The following CAB39L variants were observed in gnomAD, a reference collection of about 807,000 sequenced individuals.
The protein encoded by CAB39L is calcium binding protein 39 like.
Under a neutral mutation model 39.1 loss-of-function variants are expected in CAB39L, and 23 were observed. The ratio of observed to expected loss-of-function variants is 0.59; its 90% CI spans 0.42 to 0.83. The LOEUF is 0.83. Among genes scored for constraint, CAB39L ranks in the 40% least tolerant of loss-of-function variants. CAB39L has a pLI of 0.00. For synonymous variants in CAB39L, 126 were observed against 137.2 expected (o/e 0.92, Z 0.57); for missense variants, 366 against 391.9 (o/e 0.93, Z 0.56).
chr13:49,367,356 T>C (rs1398178677), intron 5 of CAB39L, among the ~76,000 whole-genome samples: 3 of 152,036 alleles, frequency 2.0e-5, no homozygotes, highest in Non-Finnish European at 2.9e-5. Context: ...AAATAAAAAA[T>C]AGCAACAACA....
rs1957262190 is a variant in CAB39L, at chr13:49,427,526, A to G, written c.-32+5792T>C. On this transcript the variant is annotated intron_variant, in intron 3 of 10. Coordinates refer to ENST00000409308, the MANE Select transcript of CAB39L (RefSeq NM_001079670.3). ...CAACACAGTAAGACCATATCTCTACAAGAAATAAAAGAATTAGCTGGGCGT... is the reference window on the plus strand; with the variant it reads ...CAACACAGTAAGACCATATCTCTACGAGAAATAAAAGAATTAGCTGGGCGT... Among the ~76,000 whole-genome samples, 9 of 152,090 alleles carry G rather than the reference A, an allele frequency of 5.9e-5. 1 individual carries two copies.
intron 10 of CAB39L, among the ~76,000 whole-genome samples, chr13:49,311,391 C>T (rs1409842005): frequency 2.6e-5 from 4 of 152,152 alleles, no homozygotes; most frequent in East Asian, 1.9e-4. Context: ...TGATAATCAA[C>T]GACGATGGTA....
chr13:49,351,692 C>G (rs1955361971), intron 6 of CAB39L, among the ~76,000 whole-genome samples: 1 of 152,150 alleles, frequency 6.6e-6, no homozygotes, highest in African/African-American at 2.4e-5. Context: ...AGGAGCAGAA[C>G]CCAGGAGAGG....
At chr13:49,319,825 TTTC>T (rs1276191564) in intron 10 of CAB39L, among the ~76,000 whole-genome samples, 2 of 149,910 alleles carry the variant, frequency 1.3e-5, no homozygotes, top group Admixed American at 6.6e-5. Flanking sequence ...ACAGTCTTTC[TTTC>T]TTAAAAAAAA....
At chr13:49,340,290 T>C (rs1341738560) in intron 8 of CAB39L, among the ~76,000 whole-genome samples, 1 of 152,244 alleles carries the variant, frequency 6.6e-6, no homozygotes, top group Non-Finnish European at 1.5e-5. Flanking sequence ...TCACCAACCA[T>C]GGCCTAGCCC....
intron 2 of CAB39L, among the ~76,000 whole-genome samples, chr13:49,433,597 G>A (rs375761155): frequency 4.3e-4 from 66 of 152,212 alleles, no homozygotes; most frequent in African/African-American, 1.5e-3. Context: ...TGAACTGAAT[G>A]AAAAATATAT....
chr13:49,366,326 C>T (rs547016760), intron 5 of CAB39L, among the ~76,000 whole-genome samples: 77 of 151,686 alleles, frequency 5.1e-4, no homozygotes, highest in Admixed American at 2.6e-3. Flanking sequence ...ACTAAAATAT[C>T]TCATATACAC....
chr13:49,404,728 G>C (rs1034977713), intron 3 of CAB39L, among the ~76,000 whole-genome samples: 1 of 152,096 alleles, frequency 6.6e-6, no homozygotes, highest in Non-Finnish European at 1.5e-5. Context: ...ATATAACAAA[G>C]AGACTGAAAT....
chr13:49,354,520 C>T (rs1955437236), intron 6 of CAB39L, among the ~76,000 whole-genome samples: 1 of 152,178 alleles, frequency 6.6e-6, no homozygotes, highest in Non-Finnish European at 1.5e-5. Flanking sequence ...ATATGTATCC[C>T]ACCTAATCTA....
intron 3 of CAB39L, among the ~76,000 whole-genome samples, chr13:49,408,777 G>A (rs988639658): frequency 2.0e-5 from 3 of 152,020 alleles, no homozygotes; most frequent in Admixed American, 1.3e-4. Context: ...GTTGCAGTGA[G>A]CTGAGATTGC....
intron 3 of CAB39L, among the ~76,000 whole-genome samples, chr13:49,416,481 T>A (rs1455941648): frequency 6.6e-6 from 1 of 152,216 alleles, no homozygotes; most frequent in Non-Finnish European, 1.5e-5. Context: ...CTCAGCAAAC[T>A]GATTTTATGA....
intron 1 of CAB39L, among the ~76,000 whole-genome samples, chr13:49,441,871 C>G (rs1039696052): frequency 6.6e-6 from 1 of 152,148 alleles, no homozygotes; most frequent in African/African-American, 2.4e-5. Context: ...ACTCTCTTAT[C>G]TTGGTGGTAA....
At chr13:49,434,038 T>G (rs1470079324) in intron 2 of CAB39L, 48 bp downstream of exon 2, 1 of 389,342 alleles carries the variant, frequency 2.6e-6, no homozygotes, top group Non-Finnish European at 5.0e-6. Flanking sequence ...ATCACAAGAG[T>G]GTGTATGCGT....
intron 3 of CAB39L, among the ~76,000 whole-genome samples, chr13:49,411,617 G>A (rs1188729421): frequency 6.6e-6 from 1 of 151,936 alleles, no homozygotes; most frequent in East Asian, 1.9e-4. Context: ...TTTCTTTATA[G>A]TAGATCTTGG....
intron 9 of CAB39L, among the ~76,000 whole-genome samples, chr13:49,339,374 G>A (rs186114122): frequency 1.3e-5 from 2 of 152,088 alleles, no homozygotes; most frequent in South Asian, 2.1e-4. Context: ...CAGGTGATCC[G>A]CCCACTTCGG....
At chr13:49,441,561 C>A (rs551748994) in intron 1 of CAB39L, among the ~76,000 whole-genome samples, 5 of 152,100 alleles carry the variant, frequency 3.3e-5, no homozygotes, top group East Asian at 3.9e-4. Context: ...AGCGAGATCC[C>A]ATCTCTAAAG....
intron 3 of CAB39L, among the ~76,000 whole-genome samples, chr13:49,410,313 C>A (rs1366763627): frequency 6.6e-6 from 1 of 152,166 alleles, no homozygotes; most frequent in Non-Finnish European, 1.5e-5. Context: ...CAGTTAAGAA[C>A]ATAAGATACC....
chr13:49,386,270 G>C (rs2138603979), intron 3 of CAB39L, among the ~76,000 whole-genome samples: 1 of 152,192 alleles, frequency 6.6e-6, no homozygotes, highest in African/African-American at 2.4e-5. Context: ...AACGTTTTCA[G>C]GGTTTCCATG....
chr13:49,346,120 T>TATATATC (rs10663110), intron 7 of CAB39L, among the ~76,000 whole-genome samples: 5,237 of 88,414 alleles, frequency 0.059, 784 homozygotes, highest in African/African-American at 0.15. Context: ...TATATATATA[T>TATATATC]ATATCATGGA....
Sources: gnomAD v4.1 joint callset for allele counts (sites outside exome capture counted in the v4.1 genomes callset) on GRCh38, gnomAD v4.1.1 for gene constraint, MANE v1.5 for transcripts, NCBI Gene and HGNC (gene_info 2026-07-23, HGNC 2026-07-21) for gene names.